Variants in MRPS9 observed in about 807,000 individuals in gnomAD.
MRPS9 encodes the protein mitochondrial ribosomal protein S9.
Under a neutral mutation model 59.9 loss-of-function variants are expected in MRPS9, and 45 were observed. The observed-to-expected ratio is 0.75, with a 90% CI of 0.59 to 0.96. The LOEUF is 0.96. MRPS9 is among the 40% of genes least tolerant of loss of function. The pLI is 0.00. For missense variants in MRPS9, 473 were observed against 481.1 expected (o/e 0.98, Z 0.16); for synonymous variants, 171 against 166.8 (o/e 1.03, Z -0.19).
At chr2:105,056,845 T>C (rs1273075902) in intron 2 of MRPS9, among the ~76,000 whole-genome samples, 1 of 152,148 alleles carries the variant, frequency 6.6e-6, no homozygotes, top group East Asian at 1.9e-4. Context: ...ATAAGATGGA[T>C]AAAATTTTTT....
At chr2:105,089,132 G>A in intron 6 of MRPS9, 63 bp downstream of exon 6, 1 of 1,316,370 alleles carries the variant, frequency 7.6e-7, no homozygotes, top group Non-Finnish European at 1.1e-6. Context: ...CCACTCATTG[G>A]TATTTTTTTA....
At chr2:105,048,521 AAAAAT>A (rs1197506454) in intron 1 of MRPS9, among the ~76,000 whole-genome samples, 1 of 151,888 alleles carries the variant, frequency 6.6e-6, no homozygotes, top group African/African-American at 2.4e-5. Context: ...TAAAAAAAAG[AAAAAT>A]AAAAGATATG....
chr2:105,060,724 G>A (rs777469005), intron 2 of MRPS9, among the ~76,000 whole-genome samples: 20 of 152,186 alleles, frequency 1.3e-4, no homozygotes, highest in Non-Finnish European at 2.5e-4. Flanking sequence ...TTTGCAATGA[G>A]AACTTGGGAA....
intron 1 of MRPS9, among the ~76,000 whole-genome samples, chr2:105,042,581 C>T (rs1289051131): frequency 1.4e-4 from 21 of 152,150 alleles, no homozygotes; most frequent in Non-Finnish European, 4.4e-5. Context: ...TATGTGTGGG[C>T]ATATATGGGT....
intron 2 of MRPS9, among the ~76,000 whole-genome samples, chr2:105,067,365 A>G (rs1176894790): frequency 1.3e-5 from 2 of 152,146 alleles, no homozygotes; most frequent in African/African-American, 4.8e-5. Context: ...TATAAAGGAT[A>G]CTGCTTAGGT....
At chr2:105,069,043 C>A (rs938586331) in intron 2 of MRPS9, among the ~76,000 whole-genome samples, 1 of 152,154 alleles carries the variant, frequency 6.6e-6, no homozygotes, top group Non-Finnish European at 1.5e-5. Context: ...TTGGCATTCC[C>A]ACCAGCAAGG....
chr2:105,065,169 A>C (rs894997022), intron 2 of MRPS9, among the ~76,000 whole-genome samples: 1 of 152,290 alleles, frequency 6.6e-6, no homozygotes, highest in South Asian at 2.1e-4. Flanking sequence ...TAAATAATCT[A>C]TTTCTTTCTC....
At chr2:105,042,499 G>A (rs7562169) in intron 1 of MRPS9, among the ~76,000 whole-genome samples, 72,047 of 152,074 alleles carry the variant, frequency 0.47, 17,253 homozygotes, top group East Asian at 0.66. Context: ...AACAGTGGAA[G>A]ACCCACATAT....
intron 1 of MRPS9, among the ~76,000 whole-genome samples, chr2:105,045,769 A>G (rs1679581125): frequency 6.6e-6 from 1 of 151,884 alleles, no homozygotes; most frequent in South Asian, 2.1e-4. Flanking sequence ...AAAAGATTAC[A>G]GACATTGTAT....
chr2:105,061,952 G>T (rs1679914510), intron 2 of MRPS9, among the ~76,000 whole-genome samples: 1 of 152,106 alleles, frequency 6.6e-6, no homozygotes, highest in Non-Finnish European at 1.5e-5. Flanking sequence ...ATATTTATAT[G>T]TTTTTCTTTC....
In MRPS9 at chr2:105,049,338, A is replaced by G; in HGVS notation, c.303A>G (p.Gln101=). 1 of 1,610,698 alleles carries G rather than the reference A, an allele frequency of 6.2e-7. No homozygotes were observed. Among genetic ancestry groups the G allele is most frequent in the Non-Finnish European group, 8.5e-7 (1 of 1,179,142 alleles). The change falls in exon 2 of 11, where the codon CAA becomes CAG. Residue 101 remains glutamine, a synonymous_variant. Coordinates refer to ENST00000258455, the MANE Select transcript of MRPS9 (RefSeq NM_182640.3). The part of the protein sequence containing the change: ...MMGEDPETFT[Q]EDIDRAIAYL... ...GAGAAGATCCAGAAACTTTCACTCA[A>G]GAAGATATTGACGTAAGTACAGTTA... is the stretch of plus-strand genomic sequence containing the variant.
At chr2:105,040,265 T>G (rs912632840) in intron 1 of MRPS9, among the ~76,000 whole-genome samples, 16 of 152,208 alleles carry the variant, frequency 1.1e-4, no homozygotes, top group African/African-American at 3.6e-4. Flanking sequence ...AGCCCATGTT[T>G]TATAAAATAA....
intron 2 of MRPS9, among the ~76,000 whole-genome samples, chr2:105,068,308 A>G (rs1424942109): frequency 1.3e-5 from 2 of 152,184 alleles, no homozygotes; most frequent in East Asian, 1.9e-4. Context: ...TATCTCTTCT[A>G]TAATAAAATA....
rs137977950 is a variant in MRPS9, at chr2:105,085,509, C to T, written c.490-3475C>T. On this transcript the variant is annotated intron_variant, in intron 5 of 10. Transcript: ENST00000258455. ...TTACACTTCCTAAAATTGGAATTTC[C>T]ACATGATTAATAGAACCAAAACAGA... 6.4e-4 allele frequency among the ~76,000 whole-genome samples: 98 copies of T among 152,192 alleles called. 1 individual carries two copies. In the East Asian group the frequency reaches 0.017, roughly 26 times the overall value.
At chr2:105,060,420 T>C (rs535217506) in intron 2 of MRPS9, among the ~76,000 whole-genome samples, 9 of 152,308 alleles carry the variant, frequency 5.9e-5, no homozygotes, top group African/African-American at 2.2e-4. Context: ...TATCTGAGAT[T>C]ACACGTGGCG....
chr2:105,092,746 A>G (rs1024242330), intron 8 of MRPS9, among the ~76,000 whole-genome samples, 177 bp downstream of exon 8: 10 of 152,320 alleles, frequency 6.6e-5, no homozygotes, highest in African/African-American at 2.4e-4. Context: ...ACTGAACTGT[A>G]TAATATCCTA....
chr2:105,084,451 A>G (rs571629588), intron 5 of MRPS9, among the ~76,000 whole-genome samples: 7 of 152,206 alleles, frequency 4.6e-5, no homozygotes, highest in Non-Finnish European at 8.8e-5. Context: ...AAAGCCTGGA[A>G]CAGCAGCCCC....
intron 2 of MRPS9, among the ~76,000 whole-genome samples, chr2:105,064,304 G>A (rs1679958727): frequency 6.6e-6 from 1 of 151,894 alleles, no homozygotes; most frequent in African/African-American, 2.4e-5. Flanking sequence ...TTTGGAAAAA[G>A]CCCTCAGTGA....
intron 2 of MRPS9, among the ~76,000 whole-genome samples, chr2:105,050,477 T>C (rs1461355414): frequency 6.6e-6 from 1 of 152,180 alleles, no homozygotes; most frequent in Non-Finnish European, 1.5e-5. Context: ...GTTAGGTGAT[T>C]TGTAATTAGG....
Sources: allele counts gnomAD v4.1 joint callset (sites outside exome capture counted in the v4.1 genomes callset), GRCh38; gene constraint gnomAD v4.1.1; transcripts MANE v1.5; gene names NCBI Gene and HGNC (gene_info 2026-07-23, HGNC 2026-07-21).